SRRM1: variants seen among roughly 807,000 people sequenced by gnomAD.
The protein encoded by SRRM1 is serine/arginine repetitive matrix protein 1.
A neutral mutation model predicts 110.2 loss-of-function variants in SRRM1; 19 were observed. The ratio of observed to expected loss-of-function variants is 0.17; its 90% CI spans 0.12 to 0.25. The LOEUF is 0.25. Among genes scored for constraint, SRRM1 ranks in the 10% least tolerant of loss-of-function variants. The probability of loss-of-function intolerance (pLI) is 1.00; values close to 1 mark genes in which losing one functional copy is unlikely to be tolerated. For missense variants in SRRM1, 918 were observed against 1,145.8 expected (o/e 0.80, Z 2.87); for synonymous variants, 443 against 414.9 (o/e 1.07, Z -0.82).
intron 1 of SRRM1, among the ~76,000 whole-genome samples, chr1:24,644,776 A>G (rs946226393): frequency 6.6e-6 from 1 of 152,202 alleles, no homozygotes; most frequent in Admixed American, 6.5e-5. Context: ...CTGCAGTGCA[A>G]GTAGTATTTT....
At chr1:24,655,772 A>G (rs1029556967) in intron 9 of SRRM1, among the ~76,000 whole-genome samples, 4 of 152,150 alleles carry the variant, frequency 2.6e-5, no homozygotes, top group African/African-American at 9.7e-5. Context: ...CGCATGGAAA[A>G]AACTGTAGTG....
chr1:24,649,575 G>A (rs932330831), intron 4 of SRRM1, among the ~76,000 whole-genome samples: 5 of 152,222 alleles, frequency 3.3e-5, no homozygotes, highest in African/African-American at 7.2e-5. Context: ...CGCCCTTGGC[G>A]GGATTATAGA....
chr1:24,671,795 A>G (rs1339411028), intron 16 of SRRM1, among the ~76,000 whole-genome samples, 200 bp downstream of exon 16: 3 of 147,576 alleles, frequency 2.0e-5, no homozygotes, highest in Admixed American at 6.7e-5. Flanking sequence ...CGATCCCCAC[A>G]CTTTTTTTTT....
intron 5 of SRRM1, among the ~76,000 whole-genome samples, chr1:24,650,348 C>G (rs1401639138): frequency 6.6e-6 from 1 of 152,148 alleles, no homozygotes; most frequent in African/African-American, 2.4e-5. Context: ...ACTTTTTCTT[C>G]CATATTGCTT....
chr1:24,657,831 T>C (rs998338658), intron 9 of SRRM1, among the ~76,000 whole-genome samples: 5 of 152,186 alleles, frequency 3.3e-5, no homozygotes, highest in Non-Finnish European at 7.3e-5. Context: ...GGTGTGGTAA[T>C]TTTGATTTAT....
At chr1:24,654,270 T>A in intron 8 of SRRM1, 1 of 1,288,104 alleles carries the variant, frequency 7.8e-7, no homozygotes, top group Non-Finnish European at 1.0e-6. Context: ...CAGCCAGTTT[T>A]TATCTCACAC....
Position 24,670,223 on chromosome 1 carries a change from C to T in SRRM1, c.2308C>T (p.Pro770Ser). Residue 770 changes from proline (P) to serine (S), a missense_variant, in exon 15 of 17, where the codon CCC (proline) becomes TCC (serine). Pro to Ser is a moderately conservative substitution (Grantham distance 74). Around this residue, in one of 5 missense-constraint regions of SRRM1, gnomAD observed 357 missense variants for 402.9 expected, o/e 0.89. Transcript: ENST00000323848. ...AAKKPPAPPS[P>S]VQSQSPSTNW... ...TAAAAAGCCCCCAGCACCTCCATCC[C>T]CCGTCCAGTCTCAGTCACCGTCTAC... is the stretch of plus-strand genomic sequence containing the variant. 1 of 1,614,118 alleles carries T rather than the reference C, an allele frequency of 6.2e-7. No individual in the cohort carries two copies. The highest frequency in any genetic ancestry group is 8.5e-7 in the Non-Finnish European group (1 of 1,180,018).
chr1:24,669,391 A>C lies in SRRM1; in HGVS notation c.2008A>C (p.Thr670Pro). Residue 670 changes from threonine to proline, a missense_variant, in exon 14 of 17, where the codon ACC (threonine) becomes CCC (proline). Thr to Pro is a conservative substitution (Grantham distance 38, BLOSUM62 -1). This residue lies in a region of SRRM1 where 357 missense variants were observed against 402.9 expected (regional missense o/e 0.89). Coordinates refer to ENST00000323848, the MANE Select transcript of SRRM1 (RefSeq NM_005839.4). Reference protein sequence around the residue: ...HRKGSSPSRSTREARSPQPNK... With the variant: ...HRKGSSPSRSPREARSPQPNK... ...GAAAGGGTCTTCCCCAAGCCGCTCT[A>C]CCCGGGAGGCCCGATCACCACAACC... The C allele has an allele frequency of 6.2e-7, 1 of 1,614,068 alleles. No homozygotes were observed. The highest frequency in any genetic ancestry group is 8.5e-7 in the Non-Finnish European group (1 of 1,180,008).
At position 24,648,849 on chromosome 1, in the gene SRRM1, C is replaced by G; in HGVS notation, c.235-10C>G. 6.2e-7 allele frequency: 1 copy of G among 1,607,846 alleles called. No individual in the cohort carries two copies. Among genetic ancestry groups the G allele is most frequent in the Non-Finnish European group, 8.5e-7 (1 of 1,178,150 alleles). On this transcript the variant is annotated splice_polypyrimidine_tract_variant and intron_variant, in intron 3 of 16. Coordinates refer to ENST00000323848, the MANE Select transcript of SRRM1 (RefSeq NM_005839.4). ...TAACCTGTTTTTCTTCCTGTCGTGT[C>G]TTTTTGCAGAATCCAGACTCCAAAA... is the stretch of plus-strand genomic sequence containing the variant.
Position 24,670,117 on chromosome 1 carries a change from T to C in SRRM1, c.2205-3T>C, listed in dbSNP as rs759877544. 6.4e-7 allele frequency: 1 copy of C among 1,562,006 alleles called. No individual in the cohort carries two copies. Among genetic ancestry groups the C allele is most frequent in the South Asian group, 1.2e-5 (1 of 83,298 alleles). ...TGCTGAATGTTTTTTCCTTTTTGTC[T>C]AGGGCTGCTTCCCCAAGCCCACAGT... On this transcript the variant is annotated splice_region_variant and splice_polypyrimidine_tract_variant and intron_variant, in intron 14 of 16. Coordinates refer to ENST00000323848, the MANE Select transcript of SRRM1 (RefSeq NM_005839.4).
chr1:24,672,166 A>G lies in SRRM1; in HGVS notation c.2611-16A>G. 1 of 1,595,690 alleles carries G rather than the reference A, an allele frequency of 6.3e-7. No individual in the cohort carries two copies. ...AGGGTCTCAAGACTTAACCGTGTAA[A>G]TTCTGTTTTTTTTAGGAGACTGAAA... On this transcript the variant is annotated splice_polypyrimidine_tract_variant and intron_variant, in intron 16 of 16. Coordinates refer to ENST00000323848, the MANE Select transcript of SRRM1 (RefSeq NM_005839.4).
intron 14 of SRRM1, 71 bp downstream of exon 14, chr1:24,669,658 C>T: frequency 8.5e-7 from 1 of 1,175,924 alleles, no homozygotes; most frequent in Non-Finnish European, 1.2e-6. Flanking sequence ...TTCCCCCCAC[C>T]CCCATATAAA....
Position 24,671,607 on chromosome 1 carries a change from C to G in SRRM1, c.2610+12C>G. 6.3e-7 allele frequency: 1 copy of G among 1,580,160 alleles called. No individual in the cohort carries two copies. The highest frequency in any genetic ancestry group is 8.6e-7 in the Non-Finnish European group (1 of 1,168,476). ...CAGAGCCGAAGAAGGTATTTATGAA[C>G]TCTGTATATGGCTGTCTTGCAGTTT... On this transcript the variant is annotated intron_variant, in intron 16 of 16. Coordinates refer to ENST00000323848, the MANE Select transcript of SRRM1 (RefSeq NM_005839.4).
intron 11 of SRRM1, 111 bp from the exon 12 acceptor site, chr1:24,662,549 G>A (rs576728181): frequency 1.1e-6 from 1 of 946,306 alleles, no homozygotes; most frequent in East Asian, 2.6e-5. Context: ...CTGATGGCCT[G>A]TATACATGCT....
At position 24,669,207 on chromosome 1, in the gene SRRM1, A is replaced by T; in HGVS notation, c.1824A>T (p.Pro608=). 1.9e-6 allele frequency: 3 copies of T among 1,613,828 alleles called. No individual in the cohort carries two copies. The highest frequency in any genetic ancestry group is 1.7e-6 in the Non-Finnish European group (2 of 1,179,960). Reference sequence around the variant, plus strand: ...TACAGAGGAGATACTCTCCTTCTCCACCTCCAAAGAGAAGAACGGCTTCAC... The same window carrying T: ...TACAGAGGAGATACTCTCCTTCTCCTCCTCCAAAGAGAAGAACGGCTTCAC... ...PPIQRRYSPS[P]PPKRRTASPP... Residue 608 remains proline (P), a synonymous_variant, in exon 14 of 17, where the codon CCA becomes CCT. Transcript: ENST00000323848.
chr1:24,666,669 G>A lies in SRRM1; in HGVS notation c.1629-146G>A, dbSNP rs28570361. 8.4e-6 allele frequency: 5 copies of A among 593,742 alleles called. No homozygotes were observed. The East Asian group carries it at 9.8e-5, about 12-fold the overall frequency. 36.8% of individuals were successfully genotyped at this position (593,742 alleles called of 1,614,324 possible). ...AATCCCAACTACTCAGGAGGCTGAG[G>A]GGGGAGAATTGCTTGAACCTGGGAG... On this transcript the variant is annotated intron_variant, in intron 12 of 16. Transcript: ENST00000323848.
chr1:24,669,510 A>G lies in SRRM1; in HGVS notation c.2127A>G (p.Gln709=). Residue 709 remains glutamine (Q), a synonymous_variant, in exon 14 of 17, where the codon CAA becomes CAG. Coordinates refer to ENST00000323848, the MANE Select transcript of SRRM1 (RefSeq NM_005839.4). ...PVRRGASSSP[Q]RRQSPSPSTR... ...GAAGAGGAGCGTCGTCATCACCCCA[A>G]AGAAGGCAGTCCCCGTCTCCAAGTA... 1 of 1,611,420 alleles carries G rather than the reference A, an allele frequency of 6.2e-7. No individual in the cohort carries two copies. Among genetic ancestry groups the G allele is most frequent in the East Asian group, 2.2e-5 (1 of 44,772 alleles).
At chr1:24,670,396 ATTAAAATATTGGTGT>A in intron 15 of SRRM1, 81 bp downstream of exon 15, 1 of 1,371,222 alleles carries the variant, frequency 7.3e-7, no homozygotes, top group Non-Finnish European at 9.8e-7. Context: ...TCATTGGGGC[ATTAAAATATTGGTGT>A]TTAAACTTTT....
At chr1:24,647,860 G>A (rs1476577465) in intron 3 of SRRM1, 2 of 152,166 alleles carry the variant, frequency 1.3e-5, no homozygotes, top group African/African-American at 2.4e-5. Flanking sequence ...AGATTTTATT[G>A]GAGAAATGCT....
Sources: gnomAD v4.1 joint callset for allele counts (sites outside exome capture counted in the v4.1 genomes callset) on GRCh38, gnomAD v4.1.1 for gene constraint, gnomAD v4.1.1 regional missense constraint, MANE v1.5 for transcripts, NCBI Gene and HGNC (gene_info 2026-07-23, HGNC 2026-07-21) for gene names.